Variants in NKAIN2 observed in about 807,000 individuals in gnomAD.
NKAIN2 encodes sodium/potassium-transporting ATPase subunit beta-1-interacting protein 2.
In NKAIN2, 14 loss-of-function variants were observed where a neutral mutation model predicts 32.6. That is an observed-to-expected ratio of 0.43 (90% CI 0.28 to 0.67). The LOEUF (loss-of-function observed/expected upper bound fraction) is 0.67, where lower values mean the gene tolerates loss of function less well. Among genes scored for constraint, NKAIN2 ranks in the 30% least tolerant of loss-of-function variants. The pLI is 0.17. For missense variants in NKAIN2, 198 were observed against 258.3 expected, an observed-to-expected ratio of 0.77 and a Z score of 1.60; for synonymous variants, 80 against 87.2, an observed-to-expected ratio of 0.92 and a Z score of 0.46.
intron 3 of NKAIN2, among the ~76,000 whole-genome samples, chr6:124,613,685 G>A (rs1044432953): frequency 4.6e-5 from 7 of 152,096 alleles, no homozygotes; most frequent in South Asian, 2.1e-4. Flanking sequence ...TAATAAAAGC[G>A]CTACCTAGTG....
chr6:124,159,705 C>CA (rs1788175230), intron 1 of NKAIN2, among the ~76,000 whole-genome samples: 1 of 152,062 alleles, frequency 6.6e-6, no homozygotes, highest in South Asian at 2.1e-4. Context: ...GTGGAATCAT[C>CA]AAAAAGGAGG....
At chr6:124,222,819 G>A (rs1176146631) in intron 1 of NKAIN2, among the ~76,000 whole-genome samples, 3 of 152,152 alleles carry the variant, frequency 2.0e-5, no homozygotes, top group African/African-American at 7.2e-5. Context: ...CATGGACCAA[G>A]TATTAATCAT....
At chr6:123,869,734 T>C (rs1189677743) in intron 1 of NKAIN2, among the ~76,000 whole-genome samples, 3 of 152,200 alleles carry the variant, frequency 2.0e-5, no homozygotes, top group Non-Finnish European at 4.4e-5. Flanking sequence ...AAGATATTGT[T>C]CTCTGTCCAT....
intron 4 of NKAIN2, among the ~76,000 whole-genome samples, chr6:124,711,839 A>C (rs201202623): frequency 7.4e-4 from 112 of 152,244 alleles, no homozygotes; most frequent in African/African-American, 1.9e-3. Context: ...ATTCTCCATC[A>C]AGCTTTGTTC....
intron 3 of NKAIN2, among the ~76,000 whole-genome samples, chr6:124,641,472 T>A (rs1449400438): frequency 5.3e-5 from 8 of 150,414 alleles, no homozygotes; most frequent in Admixed American, 5.3e-4. Flanking sequence ...TTACATTATA[T>A]CTTTAGTGAA....
intron 4 of NKAIN2, among the ~76,000 whole-genome samples, chr6:124,672,296 A>T (rs1364124319): frequency 6.6e-6 from 1 of 152,078 alleles, no homozygotes; most frequent in Non-Finnish European, 1.5e-5. Flanking sequence ...TGGGCATGAA[A>T]TAAATTCTTG....
At chr6:124,146,770 C>T (rs1350862700) in intron 1 of NKAIN2, among the ~76,000 whole-genome samples, 1 of 152,022 alleles carries the variant, frequency 6.6e-6, no homozygotes, top group Non-Finnish European at 1.5e-5. Flanking sequence ...ATTATGATTC[C>T]CCTTGTAAAA....
intron 3 of NKAIN2, among the ~76,000 whole-genome samples, chr6:124,406,789 A>G (rs1299143551): frequency 2.6e-5 from 4 of 152,124 alleles, no homozygotes; most frequent in Admixed American, 1.3e-4. Context: ...GTAGTGCTAT[A>G]TAATTGTGGT....
intron 1 of NKAIN2, among the ~76,000 whole-genome samples, chr6:124,135,418 A>G (rs947223718): frequency 4.0e-5 from 6 of 151,552 alleles, no homozygotes; most frequent in Non-Finnish European, 8.8e-5. Context: ...ACTTAAGGTA[A>G]AGGGGTGGAA....
intron 4 of NKAIN2, among the ~76,000 whole-genome samples, chr6:124,783,588 G>A (rs1779369921): frequency 6.6e-6 from 1 of 152,140 alleles, no homozygotes; most frequent in African/African-American, 2.4e-5. Context: ...TCGTAGCAGA[G>A]AAAATTTGCA....
intron 4 of NKAIN2, among the ~76,000 whole-genome samples, chr6:124,755,754 A>C (rs915739032): frequency 6.6e-6 from 1 of 152,104 alleles, no homozygotes; most frequent in African/African-American, 2.4e-5. Context: ...AAAAATAACT[A>C]ATGGGCACTA....
chr6:123,909,789 G>A (rs1582759796), intron 1 of NKAIN2, among the ~76,000 whole-genome samples: 3 of 152,256 alleles, frequency 2.0e-5, no homozygotes, highest in African/African-American at 4.8e-5. Context: ...TTAATAGGGT[G>A]TGTGTGCTGG....
intron 2 of NKAIN2, among the ~76,000 whole-genome samples, chr6:124,351,008 TA>T (rs1314295223): frequency 2.0e-5 from 3 of 151,938 alleles, no homozygotes; most frequent in African/African-American, 7.2e-5. Flanking sequence ...AATAAATAAA[TA>T]AAAATATTTT....
chr6:124,706,507 A>G (rs1775074378), intron 4 of NKAIN2, among the ~76,000 whole-genome samples: 1 of 152,088 alleles, frequency 6.6e-6, no homozygotes, highest in African/African-American at 2.4e-5. Context: ...AAAAAAAACA[A>G]AAAAAAGATT....
At chr6:123,926,116 C>T (rs1562261314) in intron 1 of NKAIN2, among the ~76,000 whole-genome samples, 1 of 152,140 alleles carries the variant, frequency 6.6e-6, no homozygotes. Flanking sequence ...ACTCATCTCT[C>T]AGAAGCCAAC....
intron 1 of NKAIN2, among the ~76,000 whole-genome samples, chr6:124,023,259 T>C (rs1780955072): frequency 6.6e-6 from 1 of 151,770 alleles, no homozygotes; most frequent in Non-Finnish European, 1.5e-5. Context: ...TATTATATAA[T>C]GTATGTGGGT....
intron 1 of NKAIN2, among the ~76,000 whole-genome samples, chr6:124,265,250 T>C (rs1042143908): frequency 6.6e-6 from 1 of 152,152 alleles, no homozygotes; most frequent in Non-Finnish European, 1.5e-5. Context: ...ATTTATTAGG[T>C]TCATGTTTGC....
chr6:124,344,677 T>C (rs200058837), intron 2 of NKAIN2, among the ~76,000 whole-genome samples: 2,608 of 152,246 alleles, frequency 0.017, 80 homozygotes, highest in East Asian at 0.11. Flanking sequence ...TTTGCACATT[T>C]ATTTTGTATC....
intron 3 of NKAIN2, among the ~76,000 whole-genome samples, chr6:124,378,874 G>A (rs1010474520): frequency 1.3e-5 from 2 of 150,880 alleles, no homozygotes; most frequent in Non-Finnish European, 2.9e-5. Context: ...AGGATCACTT[G>A]AACCCAGGAG....
Sources: allele counts gnomAD v4.1 joint callset (sites outside exome capture counted in the v4.1 genomes callset), GRCh38; gene constraint gnomAD v4.1.1; transcripts MANE v1.5; gene names NCBI Gene and HGNC (gene_info 2026-07-23, HGNC 2026-07-21).